The following ENTPD3 variants were observed in gnomAD, a reference collection of about 807,000 sequenced individuals.
ENTPD3 encodes the protein CD39 antigen-like 3.
ENTPD3 carries 60 observed loss-of-function variants against 51.2 expected under a neutral mutation model. The observed-to-expected ratio is 1.17, with a 90% CI of 0.95 to 1.45. The LOEUF (loss-of-function observed/expected upper bound fraction) is 1.45. Among genes scored for constraint, ENTPD3 ranks in the 40% most tolerant of loss-of-function variants. The probability of loss-of-function intolerance (pLI) is 0.00; values close to 1 mark genes in which losing one functional copy is unlikely to be tolerated. For missense variants in ENTPD3, 593 were observed against 641.1 expected (o/e 0.93, Z 0.81); for synonymous variants, 221 against 238.4 (o/e 0.93, Z 0.67).
intron 5 of ENTPD3, among the ~76,000 whole-genome samples, chr3:40,413,503 A>G (rs1955679879): frequency 6.6e-6 from 1 of 152,178 alleles, no homozygotes; most frequent in African/African-American, 2.4e-5. Flanking sequence ...CTGGCTCTGA[A>G]CTTATGACTT....
intron 5 of ENTPD3, among the ~76,000 whole-genome samples, chr3:40,412,698 G>A (rs569029710): frequency 6.6e-6 from 1 of 152,208 alleles, no homozygotes; most frequent in South Asian, 2.1e-4. Context: ...CTTTATCTAC[G>A]ATTCCAAGCA....
At chr3:40,419,253 A>AT (rs1197333273) in intron 7 of ENTPD3, among the ~76,000 whole-genome samples, 1 of 152,104 alleles carries the variant, frequency 6.6e-6, no homozygotes, top group East Asian at 1.9e-4. Context: ...GGACAGGTGT[A>AT]TTTTTTTATT....
In ENTPD3 at chr3:40,392,139, C is replaced by G. The variant is rs150307903; in HGVS notation, c.157C>G (p.Pro53Ala). Residue 53 changes from proline to alanine, a missense_variant, in exon 3 of 11, where the codon CCA becomes GCA. Physicochemically the swap from Pro to Ala is conservative, Grantham distance 27. Coordinates refer to ENST00000301825, the MANE Select transcript of ENTPD3 (RefSeq NM_001248.4). ...GATCCACAAGCAAGAGGTCCTCCCT[C>G]CAGGACTGAAGGTAAGTGTGAAGGG... ...IQIHKQEVLP[P>A]GLKYGIVLDA... The G allele has an allele frequency of 4.3e-5, 69 of 1,613,952 alleles. No homozygotes were observed. Among genetic ancestry groups the G allele is most frequent in the African/African-American group, 5.3e-5 (4 of 74,910 alleles).
chr3:40,408,296 T>C (rs1158234218), intron 4 of ENTPD3, among the ~76,000 whole-genome samples: 1 of 152,220 alleles, frequency 6.6e-6, no homozygotes, highest in Non-Finnish European at 1.5e-5. Flanking sequence ...GGTATCATGG[T>C]TATATTTTTC....
intron 7 of ENTPD3, among the ~76,000 whole-genome samples, chr3:40,417,432 A>G (rs1452676162): frequency 1.3e-5 from 2 of 152,130 alleles, no homozygotes; most frequent in Non-Finnish European, 2.9e-5. Flanking sequence ...GAGAGAGTGA[A>G]GCGGAAGGTG....
chr3:40,398,177 T>G (rs541718439), intron 3 of ENTPD3, among the ~76,000 whole-genome samples: 1 of 152,276 alleles, frequency 6.6e-6, no homozygotes, highest in African/African-American at 2.4e-5. Flanking sequence ...CTGCAGACCC[T>G]GGTGAAAGCT....
At position 40,388,118 on chromosome 3, in the gene ENTPD3, A is replaced by G. The variant is rs766804038; in HGVS notation, c.40+21A>G. On this transcript the variant is annotated intron_variant, in intron 2 of 10. Transcript: ENST00000301825. ...AGCAGGTTAGTATCTCTCAGCAGGTAGCAAGCGTGGTTTTGCCAAATCGCA... is the reference window on the plus strand; with the variant it reads ...AGCAGGTTAGTATCTCTCAGCAGGTGGCAAGCGTGGTTTTGCCAAATCGCA... 3.1e-6 allele frequency: 5 copies of G among 1,613,852 alleles called. No individual in the cohort carries two copies. In the East Asian group the frequency reaches 1.1e-4, roughly 36 times the overall value.
At chr3:40,402,792 A>G (rs1955397602) in intron 4 of ENTPD3, among the ~76,000 whole-genome samples, 1 of 152,146 alleles carries the variant, frequency 6.6e-6, no homozygotes. Flanking sequence ...ATCCTTTTCT[A>G]TCTTGAGGTC....
At position 40,414,767 on chromosome 3, in the gene ENTPD3, A is replaced by C. The variant is rs2125604697; in HGVS notation, c.524A>C (p.Gln175Pro). 6.2e-7 allele frequency: 1 copy of C among 1,614,062 alleles called. No homozygotes were observed. The highest frequency in any genetic ancestry group is 8.5e-7 in the Non-Finnish European group (1 of 1,179,988). ...KSQPFDFRGA[Q>P]IISGQEEGVY... ...CAGCCCTTTGACTTTAGGGGTGCTC[A>C]AATCATTTCTGGGCAAGAAGAAGGG... The change falls in exon 6 of 11, where the codon CAA becomes CCA. Residue 175 changes from glutamine to proline, a missense_variant. Gln to Pro is a moderately conservative substitution (Grantham distance 76). Coordinates refer to ENST00000301825, the MANE Select transcript of ENTPD3 (RefSeq NM_001248.4).
intron 7 of ENTPD3, among the ~76,000 whole-genome samples, chr3:40,417,026 T>C (rs1429811771): frequency 2.6e-5 from 4 of 152,166 alleles, no homozygotes; most frequent in African/African-American, 9.6e-5. Flanking sequence ...CCCCTGCATT[T>C]ACCCAGTGTT....
intron 4 of ENTPD3, among the ~76,000 whole-genome samples, chr3:40,404,261 C>CTA (rs1955441174): frequency 6.6e-6 from 1 of 152,150 alleles, no homozygotes; most frequent in Non-Finnish European, 1.5e-5. Flanking sequence ...TTATACCTAC[C>CTA]CTACAGGAGT....
rs143822569 is a variant in ENTPD3, at chr3:40,392,055, A to G, written c.73A>G (p.Ile25Val). Residue 25 changes from isoleucine to valine, a missense_variant, in exon 3 of 11, where the codon ATT becomes GTT. Physicochemically the swap from Ile to Val is conservative, Grantham distance 29. Transcript: ENST00000301825. ...LKALYRTPTI[I>V]ALVVLLVSIV... is the part of the protein sequence containing the mutation. Reference sequence around the variant, plus strand: ...GGCCCTCTACCGAACTCCAACCATCATTGCCTTGGTGGTCTTGCTTGTGAG... The same window carrying G: ...GGCCCTCTACCGAACTCCAACCATCGTTGCCTTGGTGGTCTTGCTTGTGAG... 13 of 1,613,976 alleles carry G rather than the reference A, an allele frequency of 8.1e-6. No individual in the cohort carries two copies. The highest frequency in any genetic ancestry group is 1.3e-5 in the African/African-American group (1 of 74,890).
chr3:40,427,308 A>C lies in ENTPD3; in HGVS notation c.1390A>C (p.Met464Leu), dbSNP rs372873907. ...CAGCATAGCCTGGTCTCTTGGCTAC[A>C]TGCTCAGCCTGACCAACCAGATCCC... Reference protein sequence around the residue: ...NSSIAWSLGYMLSLTNQIPAE... With the variant: ...NSSIAWSLGYLLSLTNQIPAE... Residue 464 changes from methionine to leucine, a missense_variant, in exon 11 of 11, where the codon ATG (methionine) becomes CTG (leucine). Met to Leu is a conservative substitution (Grantham distance 15, BLOSUM62 2). Transcript: ENST00000301825. 8 of 1,614,012 alleles carry C rather than the reference A, an allele frequency of 5.0e-6. No homozygotes were observed. The Admixed American group carries it at 5.0e-5, about 10-fold the overall frequency.
chr3:40,423,024 G>A lies in ENTPD3; in HGVS notation c.1006G>A (p.Glu336Lys). 1.2e-6 allele frequency: 2 copies of A among 1,614,066 alleles called. No individual in the cohort carries two copies. The highest frequency in any genetic ancestry group is 1.7e-6 in the Non-Finnish European group (2 of 1,179,974). ...AACTGGGGACCCATCTCTGTGTAAG[G>A]AGAAGGTGGCTTCCATATTTGACTT... is the stretch of plus-strand genomic sequence containing the variant. Reference protein sequence around the residue: ...EGTGDPSLCKEKVASIFDFKA... With the variant: ...EGTGDPSLCKKKVASIFDFKA... The change falls in exon 8 of 11, where the codon GAG (glutamate) becomes AAG (lysine). Residue 336 changes from glutamate (E) to lysine (K), a missense_variant. By Grantham distance (56) the Glu-to-Lys change is moderately conservative. Coordinates refer to ENST00000301825, the MANE Select transcript of ENTPD3 (RefSeq NM_001248.4).
chr3:40,426,690 A>T (rs1215071619), intron 10 of ENTPD3, among the ~76,000 whole-genome samples: 2 of 152,190 alleles, frequency 1.3e-5, no homozygotes, highest in Non-Finnish European at 2.9e-5. Flanking sequence ...AAGCTGGTAT[A>T]ACTATTTAGT....
chr3:40,423,636 TTAGTATATTGTGA>T (rs1955926281), intron 9 of ENTPD3, among the ~76,000 whole-genome samples, 177 bp from the exon 10 acceptor site: 1 of 152,198 alleles, frequency 6.6e-6, no homozygotes, highest in South Asian at 2.1e-4. Flanking sequence ...AGTTTAAAGA[TTAGTATATTGTGA>T]TATTATATAG....
chr3:40,420,068 A>G (rs1224276337), intron 7 of ENTPD3, among the ~76,000 whole-genome samples: 2 of 152,182 alleles, frequency 1.3e-5, no homozygotes, highest in Non-Finnish European at 2.9e-5. Flanking sequence ...AATTTATGTT[A>G]TCTTGTTTCT....
rs1464016774 is a variant in ENTPD3 at position 40,427,719 on chromosome 3, A to G, written c.*211A>G. On this transcript the variant is annotated 3_prime_UTR_variant, in exon 11 of 11. Transcript: ENST00000301825. ...CATATTGTTCTTCAGAGACCTCACT[A>G]CCCACATGCTGATCTATTGGGGAAC... 3 of 572,480 alleles carry G rather than the reference A, an allele frequency of 5.2e-6. No individual in the cohort carries two copies. Among genetic ancestry groups the G allele is most frequent in the African/African-American group, 1.9e-5 (1 of 53,242 alleles). 35.5% of individuals were successfully genotyped at this position (572,480 alleles called of 1,614,324 possible).
chr3:40,408,585 G>C (rs765839615), intron 4 of ENTPD3, among the ~76,000 whole-genome samples: 3 of 152,204 alleles, frequency 2.0e-5, no homozygotes, highest in Admixed American at 6.6e-5. Context: ...GCATTTTGGA[G>C]AGAAAAACCT....
Sources: allele counts gnomAD v4.1 joint callset (sites outside exome capture counted in the v4.1 genomes callset), GRCh38; gene constraint gnomAD v4.1.1; transcripts MANE v1.5; gene names NCBI Gene and HGNC (gene_info 2026-07-23, HGNC 2026-07-21).